Variants in CCDC178 observed in about 807,000 individuals in gnomAD.
The protein encoded by CCDC178 is coiled-coil domain-containing protein 178.
A neutral mutation model predicts 117.4 loss-of-function variants in CCDC178; 126 were observed. The observed-to-expected ratio is 1.07, with a 90% CI of 0.93 to 1.24. The LOEUF (loss-of-function observed/expected upper bound fraction) is 1.24. Among genes scored for constraint, CCDC178 ranks in the 50% most tolerant of loss-of-function variants. CCDC178 has a pLI of 0.00. For synonymous variants in CCDC178, 283 were observed against 313.4 expected (o/e 0.90, Z 1.02); for missense variants, 1,030 against 986.9 (o/e 1.04, Z -0.59).
At chr18:32,985,739 T>C (rs1204793972) in intron 21 of CCDC178, among the ~76,000 whole-genome samples, 1 of 152,150 alleles carries the variant, frequency 6.6e-6, no homozygotes, top group African/African-American at 2.4e-5. Flanking sequence ...GGAATACTAT[T>C]GACTCATATT....
rs988844252 is a variant in CCDC178 at position 33,316,582 on chromosome 18, C to T, written c.1022+6909G>A. 3.3e-5 allele frequency among the ~76,000 whole-genome samples: 5 copies of T among 152,146 alleles called. No individual in the cohort carries two copies. The South Asian group carries it at 1.0e-3, about 31-fold the overall frequency. On this transcript the variant is annotated intron_variant, in intron 11 of 22. Transcript: ENST00000383096. ...CACTCCTGGCAGCTCCACCTGCCGCCCCAGTGGGAGATCCACTGGGTGAAG... is the reference window on the plus strand; with the variant it reads ...CACTCCTGGCAGCTCCACCTGCCGCTCCAGTGGGAGATCCACTGGGTGAAG...
At chr18:33,358,129 T>C (rs1341082522) in intron 6 of CCDC178, among the ~76,000 whole-genome samples, 1 of 151,900 alleles carries the variant, frequency 6.6e-6, no homozygotes, top group Non-Finnish European at 1.5e-5. Context: ...TATCAAAATA[T>C]AGACAAGATA....
At chr18:33,369,517 T>C (rs982677509) in intron 6 of CCDC178, among the ~76,000 whole-genome samples, 11 of 152,026 alleles carry the variant, frequency 7.2e-5, no homozygotes, top group Non-Finnish European at 8.8e-5. Context: ...TGGTATTTTT[T>C]GTCATTCTTA....
At chr18:33,189,841 A>G (rs2058837420) in intron 20 of CCDC178, among the ~76,000 whole-genome samples, 1 of 152,218 alleles carries the variant, frequency 6.6e-6, no homozygotes. Context: ...GAGTATGTCA[A>G]AAGAAAAAAC....
At chr18:33,425,498 T>C (rs540121148) in intron 2 of CCDC178, among the ~76,000 whole-genome samples, 1 of 152,206 alleles carries the variant, frequency 6.6e-6, no homozygotes, top group Non-Finnish European at 1.5e-5. Flanking sequence ...TCAGAAATCT[T>C]AGCTGCTGAC....
At chr18:33,426,239 A>C (rs1281408311) in intron 2 of CCDC178, among the ~76,000 whole-genome samples, 2 of 152,186 alleles carry the variant, frequency 1.3e-5, no homozygotes, top group Admixed American at 6.5e-5. Context: ...ACCCACTTTA[A>C]TATTCTATAA....
intron 11 of CCDC178, among the ~76,000 whole-genome samples, chr18:33,313,816 G>C (rs2062375323): frequency 6.6e-6 from 1 of 152,134 alleles, no homozygotes; most frequent in African/African-American, 2.4e-5. Context: ...ACTGATTTCA[G>C]AGTTAAGCTC....
At chr18:32,979,195 C>T (rs2055092844) in intron 21 of CCDC178, among the ~76,000 whole-genome samples, 1 of 151,586 alleles carries the variant, frequency 6.6e-6, no homozygotes, top group African/African-American at 2.4e-5. Flanking sequence ...CTTACTTTGT[C>T]GCCCAGGCTG....
In CCDC178 at chr18:33,277,840, C is replaced by T. The variant is rs117347546; in HGVS notation, c.1177-10543G>A. On this transcript the variant is annotated intron_variant, in intron 12 of 22. Coordinates refer to ENST00000383096, the MANE Select transcript of CCDC178 (RefSeq NM_001105528.4). Reference sequence around the variant, plus strand: ...TACCATTACAATCCAGGATAATCTCCCAATCTAACGGCACTGATTATAAAC... The same window carrying T: ...TACCATTACAATCCAGGATAATCTCTCAATCTAACGGCACTGATTATAAAC... 3.9e-4 allele frequency among the ~76,000 whole-genome samples: 59 copies of T among 152,174 alleles called. 1 individual carries two copies. The East Asian group carries it at 0.011, about 29-fold the overall frequency.
intron 2 of CCDC178, among the ~76,000 whole-genome samples, chr18:33,439,090 G>A (rs1289290978): frequency 2.0e-5 from 3 of 152,182 alleles, no homozygotes; most frequent in East Asian, 3.9e-4. Flanking sequence ...AGAATTCATC[G>A]AGTGTTTCTA....
intron 21 of CCDC178, among the ~76,000 whole-genome samples, chr18:32,995,311 T>C (rs1468707971): frequency 6.6e-6 from 1 of 152,208 alleles, no homozygotes; most frequent in Non-Finnish European, 1.5e-5. Flanking sequence ...TTTAAGTTTA[T>C]GGAGTGGTTG....
intron 10 of CCDC178, among the ~76,000 whole-genome samples, chr18:33,329,047 T>C (rs2062627806): frequency 6.6e-6 from 1 of 152,142 alleles, no homozygotes; most frequent in African/African-American, 2.4e-5. Context: ...TTATTATTTT[T>C]GATGACCCGT....
intron 21 of CCDC178, among the ~76,000 whole-genome samples, chr18:33,003,707 A>C (rs1360418509): frequency 6.6e-6 from 1 of 152,162 alleles, no homozygotes; most frequent in Non-Finnish European, 1.5e-5. Flanking sequence ...AAAGAAATAA[A>C]GGGCACTCAA....
At chr18:33,416,288 G>A (rs760892037) in intron 2 of CCDC178, among the ~76,000 whole-genome samples, 1 of 152,202 alleles carries the variant, frequency 6.6e-6, no homozygotes, top group East Asian at 1.9e-4. Flanking sequence ...TTAGCCGGGC[G>A]TGGTGGCGGG....
intron 6 of CCDC178, among the ~76,000 whole-genome samples, chr18:33,368,803 G>C (rs990216778): frequency 6.6e-6 from 1 of 151,832 alleles, no homozygotes; most frequent in African/African-American, 2.4e-5. Flanking sequence ...AAAACATAAT[G>C]TCTGACTTAT....
At position 33,221,720 on chromosome 18, in the gene CCDC178, T is replaced by TGAA. The variant is rs2059237068; in HGVS notation, c.1932+1383_1932+1385dup. On this transcript the variant is annotated intron_variant, in intron 18 of 22. Coordinates refer to ENST00000383096, the MANE Select transcript of CCDC178 (RefSeq NM_001105528.4). Reference sequence around the variant, plus strand: ...CTCTCCTCATCAAAAGCAAAGCCAGTGAAGGTCTTTTCCCTGGCAAAACAG... The same window carrying TGAA: ...CTCTCCTCATCAAAAGCAAAGCCAGTGAAGAAGGTCTTTTCCCTGGCAAAACAG... Among the ~76,000 whole-genome samples, 3 of 152,262 alleles carry TGAA rather than the reference T, an allele frequency of 2.0e-5. No homozygotes were observed. In the South Asian group the frequency reaches 6.2e-4, roughly 32 times the overall value.
intron 18 of CCDC178, among the ~76,000 whole-genome samples, chr18:33,218,253 T>C (rs2059191375): frequency 6.6e-6 from 1 of 152,166 alleles, no homozygotes; most frequent in South Asian, 2.1e-4. Flanking sequence ...TGTCTTCCTT[T>C]GAGAAGTGTC....
intron 11 of CCDC178, among the ~76,000 whole-genome samples, chr18:33,293,632 T>C (rs2062067217): frequency 6.6e-6 from 1 of 152,086 alleles, no homozygotes; most frequent in Admixed American, 6.6e-5. Flanking sequence ...TCCACTGTAC[T>C]CCAGCCTGGG....
chr18:33,255,199 C>G (rs1320624077), intron 14 of CCDC178, among the ~76,000 whole-genome samples: 1 of 152,038 alleles, frequency 6.6e-6, no homozygotes, highest in African/African-American at 2.4e-5. Context: ...GGGTCATGCC[C>G]TTGAACTTCC....
Sources: allele counts gnomAD v4.1 joint callset (sites outside exome capture counted in the v4.1 genomes callset), GRCh38; gene constraint gnomAD v4.1.1; transcripts MANE v1.5; gene names NCBI Gene and HGNC (gene_info 2026-07-23, HGNC 2026-07-21).